The following LPP variants were observed in gnomAD, a reference collection of about 807,000 sequenced individuals.
LPP encodes the protein lipoma-preferred partner.
A neutral mutation model predicts 60.4 loss-of-function variants in LPP; 38 were observed. The observed-to-expected ratio is 0.63, with a 90% CI of 0.49 to 0.83. The LOEUF (loss-of-function observed/expected upper bound fraction) is 0.83, where lower values mean the gene tolerates loss of function less well. LPP is among the 40% of genes least tolerant of loss of function. The probability of loss-of-function intolerance (pLI) is 0.00; values close to 1 mark genes in which losing one functional copy is unlikely to be tolerated. For missense variants in LPP, 902 were observed against 783.6 expected (o/e 1.15, Z -1.80); for synonymous variants, 328 against 290.8 (o/e 1.13, Z -1.30).
At chr3:188,684,381 C>T (rs1367618508) in intron 7 of LPP, among the ~76,000 whole-genome samples, 1 of 152,172 alleles carries the variant, frequency 6.6e-6, no homozygotes, top group African/African-American at 2.4e-5. Flanking sequence ...AGAAAGTACA[C>T]CTTTTTACAT....
chr3:188,425,932 T>C (rs569809534), intron 4 of LPP, among the ~76,000 whole-genome samples: 1 of 152,284 alleles, frequency 6.6e-6, no homozygotes, highest in African/African-American at 2.4e-5. Flanking sequence ...TGAAGGGTTT[T>C]TCTCATGTCT....
At chr3:188,389,711 G>T (rs1779212609) in intron 3 of LPP, among the ~76,000 whole-genome samples, 1 of 139,048 alleles carries the variant, frequency 7.2e-6, no homozygotes, top group South Asian at 2.5e-4. Context: ...GGGAGGCAGA[G>T]GTTGCAGTGA....
intron 2 of LPP, among the ~76,000 whole-genome samples, chr3:188,250,745 T>TCTTC (rs1728915559): frequency 9.4e-6 from 1 of 106,404 alleles, no homozygotes; most frequent in Non-Finnish European, 1.9e-5. Context: ...TTTCTTTCTT[T>TCTTC]CTTTCTTTCT....
chr3:188,159,294 T>C (rs73190729), intron 1 of LPP, among the ~76,000 whole-genome samples: 16,212 of 152,180 alleles, frequency 0.11, 1,172 homozygotes, highest in East Asian at 0.28. Context: ...CCTACAATCC[T>C]TCCTATCACC....
rs1334345763 is a variant in LPP, at chr3:188,390,805, A to G, written c.-9-15307A>G. ...TAAGAGAAACCAGTGTCTGTAAATA[A>G]TCTTCCTTCTTGTCAGACATGGAGG... On this transcript the variant is annotated intron_variant, in intron 3 of 11. Transcript: ENST00000617246. Among the ~76,000 whole-genome samples, 3 of 152,122 alleles carry G rather than the reference A, an allele frequency of 2.0e-5. No individual in the cohort carries two copies. In the East Asian group the frequency reaches 5.8e-4, roughly 29 times the overall value.
At chr3:188,797,846 T>A (rs1041723514) in intron 9 of LPP, among the ~76,000 whole-genome samples, 1 of 152,208 alleles carries the variant, frequency 6.6e-6, no homozygotes, top group Non-Finnish European at 1.5e-5. Context: ...CTTTTCTTTC[T>A]ATTTGTGTTT....
chr3:188,419,170 G>A (rs1787120774), intron 4 of LPP, among the ~76,000 whole-genome samples: 1 of 152,122 alleles, frequency 6.6e-6, no homozygotes. Context: ...TTTATATCTT[G>A]ACATCTGCAT....
At chr3:188,393,398 C>T (rs1180054161) in intron 3 of LPP, among the ~76,000 whole-genome samples, 1 of 152,086 alleles carries the variant, frequency 6.6e-6, no homozygotes, top group Non-Finnish European at 1.5e-5. Flanking sequence ...GCTGTGGCCT[C>T]TTATCCACGC....
At chr3:188,424,016 A>G (rs948028316) in intron 4 of LPP, among the ~76,000 whole-genome samples, 2 of 152,108 alleles carry the variant, frequency 1.3e-5, no homozygotes, top group African/African-American at 4.8e-5. Context: ...TGTTTTAGTC[A>G]TAAAGTCTTT....
chr3:188,274,232 A>G (rs538635522), intron 2 of LPP, among the ~76,000 whole-genome samples: 34 of 152,242 alleles, frequency 2.2e-4, no homozygotes, highest in Admixed American at 1.2e-3. Context: ...CATTTTTGAT[A>G]CTGGATTATG....
intron 6 of LPP, among the ~76,000 whole-genome samples, chr3:188,601,094 T>C (rs1157527927): frequency 6.6e-6 from 1 of 152,150 alleles, no homozygotes; most frequent in Non-Finnish European, 1.5e-5. Context: ...AATAGCTGCA[T>C]TCCTGCTTTT....
At chr3:188,506,544 C>T (rs1286213352) in intron 5 of LPP, among the ~76,000 whole-genome samples, 2 of 152,084 alleles carry the variant, frequency 1.3e-5, no homozygotes, top group African/African-American at 2.4e-5. Flanking sequence ...AATCACAAAT[C>T]GTAGAGCACC....
intron 2 of LPP, among the ~76,000 whole-genome samples, chr3:188,305,708 G>A (rs140926233): frequency 2.9e-4 from 44 of 152,302 alleles, no homozygotes; most frequent in Admixed American, 1.2e-3. Context: ...AGAGGAGCAG[G>A]TTTTATTGTG....
At chr3:188,323,145 C>G (rs1219244146) in intron 2 of LPP, among the ~76,000 whole-genome samples, 1 of 152,108 alleles carries the variant, frequency 6.6e-6, no homozygotes, top group African/African-American at 2.4e-5. Flanking sequence ...GTACTGCCCG[C>G]ACAGCACAAT....
At chr3:188,805,872 A>G (rs531321739) in intron 9 of LPP, among the ~76,000 whole-genome samples, 3 of 151,832 alleles carry the variant, frequency 2.0e-5, no homozygotes, top group African/African-American at 7.2e-5. Context: ...ATTTTTAAAT[A>G]TTTGGATATT....
intron 10 of LPP, among the ~76,000 whole-genome samples, chr3:188,868,960 CAG>C (rs976253014): frequency 6.6e-6 from 1 of 152,178 alleles, no homozygotes; most frequent in African/African-American, 2.4e-5. Flanking sequence ...AGTGTGCAGA[CAG>C]GGAGAAAGGG....
chr3:188,653,547 A>G (rs1026765568), intron 7 of LPP, among the ~76,000 whole-genome samples: 1 of 152,134 alleles, frequency 6.6e-6, no homozygotes, highest in African/African-American at 2.4e-5. Flanking sequence ...ATCCATATAT[A>G]ATAGATGGTC....
At chr3:188,814,083 A>C (rs1751823758) in intron 9 of LPP, among the ~76,000 whole-genome samples, 1 of 152,078 alleles carries the variant, frequency 6.6e-6, no homozygotes, top group Admixed American at 6.6e-5. Context: ...AAACACAAAC[A>C]TACACACATA....
rs970120824 is a variant in LPP at position 188,883,341 on chromosome 3, C to T, written c.*8862C>T. 6 of 214,258 alleles carry T rather than the reference C, an allele frequency of 2.8e-5. No homozygotes were observed. The highest frequency in any genetic ancestry group is 6.8e-5 in the African/African-American group (3 of 44,230). 13.3% of individuals were successfully genotyped at this position (214,258 alleles called of 1,614,324 possible). On this transcript the variant is annotated 3_prime_UTR_variant, in exon 12 of 12. Coordinates refer to ENST00000617246, the MANE Select transcript of LPP (RefSeq NM_001375462.1). ...GTACTTTCCTATTTAGAAGACAGAC[C>T]GTTCTGACAGTTGTTGTGTAGCTTC...
Sources: allele counts gnomAD v4.1 joint callset (sites outside exome capture counted in the v4.1 genomes callset), GRCh38; gene constraint gnomAD v4.1.1; transcripts MANE v1.5; gene names NCBI Gene and HGNC (gene_info 2026-07-23, HGNC 2026-07-21).